WBP1L: variants seen among roughly 807,000 people sequenced by gnomAD.
The protein encoded by WBP1L is WW domain binding protein 1 like.
Under a neutral mutation model 33.7 loss-of-function variants are expected in WBP1L, and 17 were observed. That is an observed-to-expected ratio of 0.50 (90% CI 0.34 to 0.76). The LOEUF is 0.76. Among genes scored for constraint, WBP1L ranks in the 30% least tolerant of loss-of-function variants. WBP1L has a pLI of 0.01. For synonymous variants in WBP1L, 173 were observed against 190.8 expected (o/e 0.91, Z 0.77); for missense variants, 389 against 469.4 (o/e 0.83, Z 1.58).
At chr10:102,789,233 G>A (rs918438739) in intron 1 of WBP1L, among the ~76,000 whole-genome samples, 5 of 152,216 alleles carry the variant, frequency 3.3e-5, no homozygotes, top group Admixed American at 3.3e-4. Context: ...AAAGTGCTGG[G>A]ATTACAGGCA....
intron 1 of WBP1L, among the ~76,000 whole-genome samples, chr10:102,760,432 A>C (rs1270683661): frequency 6.9e-6 from 1 of 143,966 alleles, no homozygotes; most frequent in African/African-American, 2.6e-5. Flanking sequence ...GCTGGAGTGC[A>C]ATGGCACGAT....
Position 102,788,102 on chromosome 10 carries a change from T to C in WBP1L, c.91-9891T>C, listed in dbSNP as rs377329394. Among the ~76,000 whole-genome samples the C allele has an allele frequency of 1.0e-3, 153 of 148,528 alleles. 5 individuals carry two copies. In the South Asian group the frequency reaches 0.031, roughly 30 times the overall value. The stretch of plus-strand genomic sequence containing the variant: ...GAAAAAAAAAACAAAACCAATACTA[T>C]CAGGGAGAACGTGATCTTAACTTTC... On this transcript the variant is annotated intron_variant, in intron 1 of 3. Coordinates refer to ENST00000448841, the MANE Select transcript of WBP1L (RefSeq NM_001083913.2).
intron 1 of WBP1L, among the ~76,000 whole-genome samples, chr10:102,795,420 C>T (rs968411709): frequency 2.6e-5 from 4 of 152,248 alleles, no homozygotes; most frequent in Admixed American, 6.5e-5. Context: ...GATGCTTCCA[C>T]TGTTCTGCTC....
chr10:102,756,811 G>A (rs1842983051), intron 1 of WBP1L, among the ~76,000 whole-genome samples: 1 of 151,982 alleles, frequency 6.6e-6, no homozygotes. Flanking sequence ...GCTCACGCCT[G>A]TAATCCCAGT....
chr10:102,752,191 A>G (rs988084727), intron 1 of WBP1L, among the ~76,000 whole-genome samples: 1 of 152,152 alleles, frequency 6.6e-6, no homozygotes, highest in Non-Finnish European at 1.5e-5. Context: ...TGCTCAGGAC[A>G]GCCCCCCACG....
intron 1 of WBP1L, among the ~76,000 whole-genome samples, chr10:102,763,002 T>C (rs1353047373): frequency 6.6e-6 from 1 of 151,912 alleles, no homozygotes; most frequent in Admixed American, 6.6e-5. Context: ...CCCAGGAGTT[T>C]GAGACCAGCC....
intron 1 of WBP1L, among the ~76,000 whole-genome samples, chr10:102,753,601 G>T (rs1258818230): frequency 6.6e-6 from 1 of 152,186 alleles, no homozygotes; most frequent in East Asian, 1.9e-4. Context: ...CATTCCCATA[G>T]CTCTGATTTA....
chr10:102,744,112 G>A lies in WBP1L; in HGVS notation c.59G>A (p.Ser20Asn), dbSNP rs527620033. ...CTCCTGCTCCTCCAGGCGCTGCCCA[G>A]CCCCTTGTCAGCCAGGGCTGAACCC... ...MALLLLQALP[S>N]PLSARAEPPQ... The change falls in exon 1 of 4, where the codon AGC becomes AAC. Residue 20 changes from serine (S) to asparagine (N), a missense_variant. Coordinates refer to ENST00000448841, the MANE Select transcript of WBP1L (RefSeq NM_001083913.2). The A allele has an allele frequency of 8.4e-6, 13 of 1,553,060 alleles. No homozygotes were observed. In the African/African-American group the frequency reaches 1.6e-4, roughly 20 times the overall value.
chr10:102,797,857 G>T (rs1843595350), intron 1 of WBP1L, 136 bp from the exon 2 acceptor site: 2 of 826,338 alleles, frequency 2.4e-6, no homozygotes, highest in Non-Finnish European at 1.9e-6. Context: ...GGCCAAAGTT[G>T]ATTTTCTTAA....
At chr10:102,771,789 C>T (rs1181750094) in intron 1 of WBP1L, among the ~76,000 whole-genome samples, 1 of 145,668 alleles carries the variant, frequency 6.9e-6, no homozygotes, top group Non-Finnish European at 1.5e-5. Context: ...GCCTGGTTGA[C>T]AGAGTGAGAC....
At chr10:102,783,204 C>T (rs1564762298) in intron 1 of WBP1L, among the ~76,000 whole-genome samples, 2 of 152,156 alleles carry the variant, frequency 1.3e-5, no homozygotes, top group Non-Finnish European at 2.9e-5. Context: ...GTTCCAGATT[C>T]ATGGGCCAGG....
chr10:102,758,243 A>G (rs1487240643), intron 1 of WBP1L, among the ~76,000 whole-genome samples: 3 of 151,416 alleles, frequency 2.0e-5, no homozygotes, highest in Non-Finnish European at 4.4e-5. Flanking sequence ...AACATTCACC[A>G]TTTTCAAGGG....
At chr10:102,774,986 G>C (rs943794727) in intron 1 of WBP1L, among the ~76,000 whole-genome samples, 1 of 151,792 alleles carries the variant, frequency 6.6e-6, no homozygotes, top group Non-Finnish European at 1.5e-5. Flanking sequence ...ATGGTAGCAC[G>C]TGCCTGTGGT....
At chr10:102,802,099 CCTCCTTCCACCTT>C (rs1793354361) in intron 2 of WBP1L, among the ~76,000 whole-genome samples, 1 of 81,062 alleles carries the variant, frequency 1.2e-5, no homozygotes, top group Non-Finnish European at 2.6e-5. Flanking sequence ...CCTTCCCCCT[CCTCCTTCCACCTT>C]CTCCTTCCTT....
rs185105455 is a variant in WBP1L, at chr10:102,765,481, T to A, written c.90+21338T>A. 3.6e-3 allele frequency among the ~76,000 whole-genome samples: 552 copies of A among 152,196 alleles called. 1 individual carries two copies. The highest frequency in any genetic ancestry group is 0.013 in the African/African-American group (525 of 41,542). ...ACTCCTGGGCTCAAGTGATCCACCCTCCTTGGCCTCCCAAAGTGCTGGCAT... is the reference window on the plus strand; with the variant it reads ...ACTCCTGGGCTCAAGTGATCCACCCACCTTGGCCTCCCAAAGTGCTGGCAT... On this transcript the variant is annotated intron_variant, in intron 1 of 3. Coordinates refer to ENST00000448841, the MANE Select transcript of WBP1L (RefSeq NM_001083913.2).
chr10:102,751,158 G>C (rs900530617), intron 1 of WBP1L, among the ~76,000 whole-genome samples: 1 of 151,988 alleles, frequency 6.6e-6, no homozygotes, highest in African/African-American at 2.4e-5. Context: ...GCACCACCAT[G>C]CCTAGCTAAC....
intron 1 of WBP1L, among the ~76,000 whole-genome samples, chr10:102,780,198 A>G (rs937173130): frequency 6.6e-6 from 1 of 152,222 alleles, no homozygotes; most frequent in Non-Finnish European, 1.5e-5. Flanking sequence ...TAGACAGCTC[A>G]TGGAAGCTAC....
chr10:102,808,905 C>G (rs1247874162), intron 2 of WBP1L, among the ~76,000 whole-genome samples: 1 of 152,044 alleles, frequency 6.6e-6, no homozygotes, highest in African/African-American at 2.4e-5. Flanking sequence ...TCTCAGAAAT[C>G]TCTTAAGAGA....
At chr10:102,801,364 A>C (rs948164800) in intron 2 of WBP1L, among the ~76,000 whole-genome samples, 5 of 152,208 alleles carry the variant, frequency 3.3e-5, no homozygotes, top group African/African-American at 1.2e-4. Flanking sequence ...GAATTTCCTG[A>C]AGGGCTACCG....
Sources: allele counts gnomAD v4.1 joint callset (sites outside exome capture counted in the v4.1 genomes callset), GRCh38; gene constraint gnomAD v4.1.1; transcripts MANE v1.5; gene names NCBI Gene and HGNC (gene_info 2026-07-23, HGNC 2026-07-21).